PAX7: variants seen among roughly 807,000 people sequenced by gnomAD.
PAX7 encodes the protein paired box protein Pax-7.
Under a neutral mutation model 50.7 loss-of-function variants are expected in PAX7, and 18 were observed. The observed-to-expected ratio is 0.36, with a 90% CI of 0.25 to 0.53. The LOEUF is 0.53. Ranked by LOEUF, PAX7 falls within the 20% of genes least tolerant of loss-of-function variation. The pLI is 0.93. For synonymous variants in PAX7, 310 were observed against 290.4 expected (o/e 1.07, Z -0.69); for missense variants, 644 against 702.9 (o/e 0.92, Z 0.95).
chr1:18,647,293 C>G (rs1364603681), intron 4 of PAX7, among the ~76,000 whole-genome samples: 2 of 152,152 alleles, frequency 1.3e-5, no homozygotes, highest in South Asian at 4.1e-4. Context: ...GAGAAAGTTG[C>G]AGCCGTTGGA....
chr1:18,730,548 A>T (rs1218914275), intron 7 of PAX7, among the ~76,000 whole-genome samples: 1 of 117,090 alleles, frequency 8.5e-6, no homozygotes, highest in South Asian at 2.9e-4. Flanking sequence ...ACCCTGCCAC[A>T]GAGCCCCAAT....
intron 7 of PAX7, among the ~76,000 whole-genome samples, chr1:18,706,446 TTCTC>T (rs199935082): frequency 8.4e-5 from 12 of 143,148 alleles, no homozygotes; most frequent in African/African-American, 1.4e-4. Context: ...TTCTTTTCTT[TTCTC>T]TCTCTCTCTC....
At chr1:18,689,894 GC>G (rs5772817) in intron 4 of PAX7, among the ~76,000 whole-genome samples, 1 of 152,224 alleles carries the variant, frequency 6.6e-6, no homozygotes, top group East Asian at 1.9e-4. Flanking sequence ...GGAGGGGGTT[GC>G]CCCTTGGGGG....
Position 18,631,238 on chromosome 1 carries a change from C to A in PAX7, c.-366C>A, listed in dbSNP as rs1570093119. ...CGATTCCGGCCGCGTTCCCCCGGCC[C>A]CCCTCCGCCGCGGGGCCTGGTCTCC... On this transcript the variant is annotated 5_prime_UTR_variant, in exon 1 of 9. Transcript: ENST00000420770. 1 of 249,950 alleles carries A rather than the reference C, an allele frequency of 4.0e-6. No individual in the cohort carries two copies. The highest frequency in any genetic ancestry group is 5.8e-5 in the East Asian group (1 of 17,148). 15.5% of individuals were successfully genotyped at this position (249,950 alleles called of 1,614,324 possible).
intron 4 of PAX7, among the ~76,000 whole-genome samples, chr1:18,653,534 G>A (rs1218034055): frequency 1.3e-5 from 2 of 152,096 alleles, no homozygotes; most frequent in Non-Finnish European, 2.9e-5. Context: ...ATGTGTTCAG[G>A]GGTCTGTGGT....
intron 4 of PAX7, among the ~76,000 whole-genome samples, chr1:18,652,399 GGGGGAAGAGCA>G (rs1436272675): frequency 6.6e-6 from 1 of 152,202 alleles, no homozygotes; most frequent in Admixed American, 6.5e-5. Flanking sequence ...CTCACACACT[GGGGGAAGAGCA>G]GGTTCACCAA....
chr1:18,744,294 T>G (rs1025056297), intron 8 of PAX7, among the ~76,000 whole-genome samples: 3 of 152,118 alleles, frequency 2.0e-5, no homozygotes, highest in Non-Finnish European at 4.4e-5. Context: ...AATTCTTTGC[T>G]CAGCAATGTG....
At chr1:18,741,905 G>T (rs1243518298) in intron 8 of PAX7, among the ~76,000 whole-genome samples, 1 of 152,218 alleles carries the variant, frequency 6.6e-6, no homozygotes, top group Non-Finnish European at 1.5e-5. Context: ...GACTGCCTGG[G>T]TTTGAATCCT....
At chr1:18,712,357 A>C (rs1476253164) in intron 7 of PAX7, among the ~76,000 whole-genome samples, 1 of 152,214 alleles carries the variant, frequency 6.6e-6, no homozygotes, top group East Asian at 1.9e-4. Flanking sequence ...GCTCAAGTCC[A>C]TCAGAGGCCT....
intron 7 of PAX7, among the ~76,000 whole-genome samples, chr1:18,721,838 C>T (rs1484912941): frequency 1.3e-5 from 2 of 152,248 alleles, no homozygotes; most frequent in Non-Finnish European, 2.9e-5. Context: ...ACCATGGTTA[C>T]TTCAAAGAGA....
At chr1:18,711,494 A>C (rs1375380975) in intron 7 of PAX7, among the ~76,000 whole-genome samples, 1 of 151,842 alleles carries the variant, frequency 6.6e-6, no homozygotes, top group Middle Eastern at 3.2e-3. Flanking sequence ...ACAATGCTTG[A>C]GTTGGTTTCC....
At chr1:18,666,157 T>A (rs1420464593) in intron 4 of PAX7, among the ~76,000 whole-genome samples, 1 of 152,132 alleles carries the variant, frequency 6.6e-6, no homozygotes, top group African/African-American at 2.4e-5. Context: ...AGACTGCATC[T>A]CAATAAAAAT....
chr1:18,677,113 C>T (rs941371625), intron 4 of PAX7, among the ~76,000 whole-genome samples: 6 of 152,168 alleles, frequency 3.9e-5, no homozygotes, highest in Non-Finnish European at 5.9e-5. Flanking sequence ...GGGACACTTC[C>T]GCCCTGACAA....
At chr1:18,642,467 A>G (rs1049566479) in intron 4 of PAX7, among the ~76,000 whole-genome samples, 1 of 152,208 alleles carries the variant, frequency 6.6e-6, no homozygotes, top group Non-Finnish European at 1.5e-5. Flanking sequence ...GGGGCCTTGA[A>G]GGCCATGACT....
At chr1:18,687,639 G>A (rs898957120) in intron 4 of PAX7, among the ~76,000 whole-genome samples, 1 of 152,074 alleles carries the variant, frequency 6.6e-6, no homozygotes, top group African/African-American at 2.4e-5. Flanking sequence ...CTTTTTTAGG[G>A]GTTGAAGTCA....
intron 4 of PAX7, among the ~76,000 whole-genome samples, chr1:18,689,787 T>C (rs1181579378): frequency 6.6e-6 from 1 of 152,268 alleles, no homozygotes; most frequent in Non-Finnish European, 1.5e-5. Context: ...ACCAGGCGTT[T>C]GCATGTGCTC....
intron 4 of PAX7, among the ~76,000 whole-genome samples, chr1:18,645,140 G>C (rs56675509): frequency 0.28 from 42,784 of 152,100 alleles, 7,560 homozygotes; most frequent in Middle Eastern, 0.42. Flanking sequence ...GAGTGTGTGT[G>C]CGCGCGCGCG....
At position 18,634,553 on chromosome 1, in the gene PAX7, C is replaced by G; in HGVS notation, c.321+15C>G. On this transcript the variant is annotated intron_variant, in intron 2 of 8. Transcript: ENST00000420770. This position sits in a 1 kb window ranked among gnomAD's most constrained non-coding sequence, Gnocchi z 4.0. ...GCAAGCCCAGAGTGAGTGTCTTTGC[C>G]ACAGAGGCTGGCAGCTGGCTTCCTA... 6.2e-7 allele frequency: 1 copy of G among 1,609,174 alleles called. No individual in the cohort carries two copies. The highest frequency in any genetic ancestry group is 1.7e-5 in the Admixed American group (1 of 59,990).
intron 7 of PAX7, among the ~76,000 whole-genome samples, chr1:18,729,838 G>A (rs1446153701): frequency 3.3e-5 from 5 of 152,154 alleles, no homozygotes; most frequent in Non-Finnish European, 2.9e-5. Context: ...CAGTGTGCAG[G>A]CCCCAGCTTC....
Sources: allele counts gnomAD v4.1 joint callset (sites outside exome capture counted in the v4.1 genomes callset), GRCh38; gene constraint gnomAD v4.1.1; non-coding constraint Gnocchi (gnomAD v3.1); transcripts MANE v1.5; gene names NCBI Gene and HGNC (gene_info 2026-07-23, HGNC 2026-07-21).